PODNL1: variants seen among roughly 807,000 people sequenced by gnomAD.
PODNL1 encodes the protein podocan like 1.
PODNL1 carries 50 observed loss-of-function variants against 45.1 expected under a neutral mutation model. That is an observed-to-expected ratio of 1.11 (90% CI 0.88 to 1.40). PODNL1 has a LOEUF of 1.40. Ranked by LOEUF, PODNL1 falls within the 40% of genes most tolerant of loss-of-function variation. The pLI is 0.00. For synonymous variants in PODNL1, 406 were observed against 372.5 expected (o/e 1.09, Z -1.04); for missense variants, 788 against 793.3 (o/e 0.99, Z 0.08).
chr19:13,933,545 A>G lies in PODNL1; in HGVS notation c.768-90T>C. 7.4e-7 allele frequency: 1 copy of G among 1,359,496 alleles called. No individual in the cohort carries two copies. Among genetic ancestry groups the G allele is most frequent in the East Asian group, 2.4e-5 (1 of 42,334 alleles). 84.2% of individuals were successfully genotyped at this position (1,359,496 alleles called of 1,614,324 possible). A position where few individuals can be genotyped will look rare whatever the true frequency, so the allele number is the denominator to read the frequency against. On this transcript the variant is annotated intron_variant, in intron 7 of 9. Transcript: ENST00000588872. The surrounding 1 kb of genome is among the most constrained non-coding windows in gnomAD (Gnocchi z 5.2). ...GGGGAGGCTGGGGAGTGGTCCTGAG[A>G]CAGATTTAAGCTGGAGATTTTGACT...
Position 13,931,806 on chromosome 19 carries a change from C to A in PODNL1, c.1656G>T (p.Gly552=). ...GCCGGATCAGGACCTGCTCCGGATTCCCTGCCGTGTCCACCACACGCAGGT... is the reference window on the plus strand; with the variant it reads ...GCCGGATCAGGACCTGCTCCGGATTACCTGCCGTGTCCACCACACGCAGGT... ...LPNLRVVDTA[G]NPEQVLIRLP... is the part of the protein sequence containing the mutation. Residue 552 remains glycine (G), a synonymous_variant, in exon 10 of 10, where the codon GGG becomes GGT. Coordinates refer to ENST00000588872, the MANE Select transcript of PODNL1 (RefSeq NM_001370095.3). The A allele has an allele frequency of 8.1e-7, 1 of 1,231,870 alleles. No individual in the cohort carries two copies. The highest frequency in any genetic ancestry group is 1.5e-5 in the African/African-American group (1 of 64,526). 76.3% of individuals were successfully genotyped at this position (1,231,870 alleles called of 1,614,324 possible). A position where few individuals can be genotyped will look rare whatever the true frequency, so the allele number is the denominator to read the frequency against.
chr19:13,934,562 T>C (rs1972200884), intron 5 of PODNL1, 152 bp from the exon 6 acceptor site: 1 of 775,186 alleles, frequency 1.3e-6, no homozygotes, highest in Non-Finnish European at 1.9e-6. Context: ...GGGAATGTAA[T>C]TGTGTATGTG....
intron 2 of PODNL1, among the ~76,000 whole-genome samples, chr19:13,937,382 G>A (rs1219586836): frequency 3.2e-4 from 21 of 66,328 alleles, no homozygotes; most frequent in African/African-American, 1.3e-3. Flanking sequence ...ACCACAATGC[G>A]ACATCACCCC....
At chr19:13,946,313 C>A (rs1346683088) in intron 1 of PODNL1, among the ~76,000 whole-genome samples, 1 of 151,666 alleles carries the variant, frequency 6.6e-6, no homozygotes, top group Non-Finnish European at 1.5e-5. Context: ...CCCGTAATCC[C>A]AGCTTACTTG....
rs111780044 is a variant in PODNL1 at position 13,932,816 on chromosome 19, A to G, written c.1407T>C (p.His469=). The part of the protein sequence containing the change: ...RVGDIGPGTW[H]ELQALQMLDL... ...GCCTGACCTGGAGGGCTTGGAGCTC[A>G]TGCCAGGTGCCTGGCCCGATGTCGC... The change falls in exon 8 of 10, where the codon CAT becomes CAC. Residue 469 remains histidine (H), a synonymous_variant. Coordinates refer to ENST00000588872, the MANE Select transcript of PODNL1 (RefSeq NM_001370095.3). The G allele has an allele frequency of 8.1e-6, 13 of 1,612,858 alleles. No homozygotes were observed. In the African/African-American group the frequency reaches 1.7e-4, roughly 22 times the overall value.
At chr19:13,939,915 C>T (rs1203220885), upstream of PODNL1, 1 of 151,718 alleles carries the variant, frequency 6.6e-6, no homozygotes, top group Non-Finnish European at 1.5e-5. Flanking sequence ...GTGGTGCACA[C>T]CCACAGTCCC....
upstream of PODNL1, chr19:13,938,572 G>A: frequency 3.0e-6 from 2 of 670,344 alleles, no homozygotes; most frequent in Non-Finnish European, 3.8e-6. Context: ...TGGGGATGGA[G>A]GGATGGGGGG....
upstream of PODNL1, among the ~76,000 whole-genome samples, chr19:13,942,571 T>C (rs1972689104): frequency 6.6e-6 from 1 of 152,214 alleles, no homozygotes; most frequent in Non-Finnish European, 1.5e-5. Flanking sequence ...TGCCCAGTTC[T>C]GCATTACCCA....
rs375193197 is a variant in PODNL1 at position 13,935,777 on chromosome 19, A to G, written c.438T>C (p.Ala146=). The G allele has an allele frequency of 3.1e-6, 5 of 1,598,422 alleles. No individual in the cohort carries two copies. The African/African-American group carries it at 6.8e-5, about 22-fold the overall frequency. Reference sequence around the variant, plus strand: ...GGAAGATCTCCATCACTTGGTTGGCAGCCAGATCCGCGACACGGAGGGACC... The same window carrying G: ...GGAAGATCTCCATCACTTGGTTGGCGGCCAGATCCGCGACACGGAGGGACC... ...LPRSLRVADL[A]ANQVMEIFPL... The change falls in exon 5 of 10, where the codon GCT becomes GCC. Residue 146 remains alanine, a synonymous_variant. Coordinates refer to ENST00000588872, the MANE Select transcript of PODNL1 (RefSeq NM_001370095.3).
chr19:13,947,982 C>T (rs1972876345), intron 1 of PODNL1, among the ~76,000 whole-genome samples: 1 of 152,116 alleles, frequency 6.6e-6, no homozygotes, highest in Non-Finnish European at 1.5e-5. Flanking sequence ...ACCTCAGCCT[C>T]CCAAGTAGCT....
Position 13,936,455 on chromosome 19 carries a change from G to A in PODNL1, c.231C>T (p.Asn77=), listed in dbSNP as rs1396334578. The change falls in exon 3 of 10, where the codon AAC becomes AAT. Residue 77 remains asparagine, a synonymous_variant. Transcript: ENST00000588872. ...CATTGTAGGGGAGTTCCTGGAGCTG[G>A]TTGTTCTGCAGGGTGAGAGTTGGGG... The part of the protein sequence containing the change: ...RAAQHLSLQN[N]QLQELPYNEL... 32 of 1,612,822 alleles carry A rather than the reference G, an allele frequency of 2.0e-5. No individual in the cohort carries two copies. Among genetic ancestry groups the A allele is most frequent in the Non-Finnish European group, 2.5e-5 (29 of 1,179,140 alleles).
At position 13,935,785 on chromosome 19, in the gene PODNL1, C is replaced by A. The variant is rs868432124; in HGVS notation, c.430G>T (p.Asp144Tyr). The A allele has an allele frequency of 6.3e-7, 1 of 1,598,598 alleles. No homozygotes were observed. The highest frequency in any genetic ancestry group is 2.2e-5 in the East Asian group (1 of 44,794). ...TCCATCACTTGGTTGGCAGCCAGAT[C>A]CGCGACACGGAGGGACCGGGGCAGA... ...QFLPRSLRVA[D>Y]LAANQVMEIF... is the part of the protein sequence containing the mutation. The change falls in exon 5 of 10, where the codon GAT becomes TAT. Residue 144 changes from aspartate to tyrosine, a missense_variant. Around this residue, in one of 3 missense-constraint regions of PODNL1, gnomAD observed 762 missense variants for 750.9 expected, o/e 1.01. Coordinates refer to ENST00000588872, the MANE Select transcript of PODNL1 (RefSeq NM_001370095.3).
chr19:13,932,557 G>T, intron 8 of PODNL1: 1 of 1,049,710 alleles, frequency 9.5e-7, no homozygotes, highest in Non-Finnish European at 1.4e-6. Context: ...GGGTCTTGCT[G>T]TGTTGCCAGG....
chr19:13,936,196 C>A, intron 3 of PODNL1, 152 bp from the exon 4 acceptor site: 1 of 947,918 alleles, frequency 1.1e-6, no homozygotes, highest in Non-Finnish European at 1.6e-6. Context: ...TACTCAAAAG[C>A]CACAGCCCCC....
intron 8 of PODNL1, 200 bp from the exon 9 acceptor site, chr19:13,932,312 G>T: frequency 1.7e-6 from 1 of 572,532 alleles, no homozygotes; most frequent in Non-Finnish European, 2.6e-6. Context: ...AGACAGACAG[G>T]TCCCCACTTG....
Position 13,933,192 on chromosome 19 carries a change from C to G in PODNL1, c.1031G>C (p.Arg344Pro), listed in dbSNP as rs763503040. The G allele has an allele frequency of 2.0e-6, 3 of 1,535,104 alleles. No individual in the cohort carries two copies. In the African/African-American group the frequency reaches 4.1e-5, roughly 21 times the overall value. ...GCGGCGGGGCAGGGCTGGAGGCACG[C>G]GGTCCAGCCCATTGCCATAGAGGTG... ...TLHLYGNGLD[R>P]VPPALPRRLR... The change falls in exon 8 of 10, where the codon CGC becomes CCC. Residue 344 changes from arginine (R) to proline (P), a missense_variant. Physicochemically the swap from Arg to Pro is moderately radical, Grantham distance 103. Around this residue, in one of 3 missense-constraint regions of PODNL1, gnomAD observed 762 missense variants for 750.9 expected, o/e 1.01. Transcript: ENST00000588872. The surrounding 1 kb of genome is among the most constrained non-coding windows in gnomAD (Gnocchi z 5.2).
At chr19:13,934,188 T>C in intron 6 of PODNL1, 66 bp downstream of exon 6, 1 of 1,460,180 alleles carries the variant, frequency 6.8e-7, no homozygotes, top group Non-Finnish European at 9.1e-7. Flanking sequence ...AGCTAGGAAC[T>C]GGAGGGGTCC....
rs1177897971 is a variant in PODNL1 at position 13,931,840 on chromosome 19, C to G, written c.1622G>C (p.Gly541Ala). The G allele has an allele frequency of 8.1e-7, 1 of 1,231,846 alleles. No individual in the cohort carries two copies. The highest frequency in any genetic ancestry group is 1.0e-6 in the Non-Finnish European group (1 of 987,940). 76.3% of individuals were successfully genotyped at this position (1,231,846 alleles called of 1,614,324 possible). A position where few individuals can be genotyped will look rare whatever the true frequency, so the allele number is the denominator to read the frequency against. The stretch of plus-strand genomic sequence containing the variant: ...GTCCACCACACGCAGGTTTGGGAGC[C>G]CCAGGAAGGCCTCAGCCGCGATGCT... ...MTSIAAEAFL[G>A]LPNLRVVDTA... The change falls in exon 10 of 10, where the codon GGG (glycine) becomes GCG (alanine). Residue 541 changes from glycine (G) to alanine (A), a missense_variant. By Grantham distance (60) the Gly-to-Ala change is moderately conservative. Around this residue, in one of 3 missense-constraint regions of PODNL1, gnomAD observed 762 missense variants for 750.9 expected, o/e 1.01. Transcript: ENST00000588872.
intron 1 of PODNL1, chr19:13,952,607 G>A (rs1472241091): frequency 3.0e-5 from 38 of 1,265,486 alleles, no homozygotes; most frequent in Non-Finnish European, 3.6e-5. Context: ...GCAGGGCGGC[G>A]GCGGGAGCAC....
Sources: allele counts gnomAD v4.1 joint callset (sites outside exome capture counted in the v4.1 genomes callset), GRCh38; gene constraint gnomAD v4.1.1; regional missense constraint gnomAD v4.1.1; non-coding constraint Gnocchi (gnomAD v3.1); transcripts MANE v1.5; gene names NCBI Gene and HGNC (gene_info 2026-07-23, HGNC 2026-07-21).